Variants in ERC2 observed in about 807,000 individuals in gnomAD.
ERC2 encodes the protein ERC protein 2.
ERC2 carries 42 observed loss-of-function variants against 114.8 expected under a neutral mutation model. That is an observed-to-expected ratio of 0.37 (90% CI 0.29 to 0.47). The LOEUF (loss-of-function observed/expected upper bound fraction) is 0.47, where lower values mean the gene tolerates loss of function less well. Among genes scored for constraint, ERC2 ranks in the 20% least tolerant of loss-of-function variants. The pLI is 0.99. For missense variants in ERC2, 939 were observed against 1,150.7 expected, an observed-to-expected ratio of 0.82 and a Z score of 2.66; for synonymous variants, 454 against 425.5, an observed-to-expected ratio of 1.07 and a Z score of -0.82.
chr3:55,656,145 G>T (rs1219394905), intron 17 of ERC2, among the ~76,000 whole-genome samples: 6 of 145,922 alleles, frequency 4.1e-5, no homozygotes, highest in African/African-American at 1.0e-4. Context: ...TTGATTTAAA[G>T]AATTTTTTTT....
intron 13 of ERC2, among the ~76,000 whole-genome samples, chr3:55,905,838 G>A (rs1459280560): frequency 6.6e-6 from 1 of 152,022 alleles, no homozygotes; most frequent in African/African-American, 2.4e-5. Flanking sequence ...AAACTGTCAG[G>A]TCTTGGCATA....
chr3:55,991,258 T>C (rs891421791), intron 11 of ERC2, among the ~76,000 whole-genome samples: 1 of 152,194 alleles, frequency 6.6e-6, no homozygotes, highest in Admixed American at 6.5e-5. Context: ...ATCTCTTCCA[T>C]ATGGATTGAA....
At chr3:55,931,716 T>G (rs898906395) in intron 13 of ERC2, among the ~76,000 whole-genome samples, 9 of 151,796 alleles carry the variant, frequency 5.9e-5, no homozygotes, top group African/African-American at 2.2e-4. Context: ...TAAACCTGCA[T>G]GTTCTGCACA....
chr3:55,836,725 A>C (rs2060904188), intron 14 of ERC2, among the ~76,000 whole-genome samples: 1 of 152,152 alleles, frequency 6.6e-6, no homozygotes, highest in Non-Finnish European at 1.5e-5. Context: ...CACCAAAAGC[A>C]ATGGCAACAA....
chr3:56,212,794 TACAC>T (rs148746898), intron 3 of ERC2, among the ~76,000 whole-genome samples: 5 of 143,424 alleles, frequency 3.5e-5, no homozygotes, highest in Non-Finnish European at 6.1e-5. Context: ...CATATACATA[TACAC>T]ACACACACAC....
chr3:56,330,753 A>T (rs1220899858), intron 2 of ERC2, among the ~76,000 whole-genome samples: 2 of 152,236 alleles, frequency 1.3e-5, no homozygotes, highest in African/African-American at 2.4e-5. Flanking sequence ...TCCAAAAAAA[A>T]TTAAAATCTG....
intron 16 of ERC2, among the ~76,000 whole-genome samples, chr3:55,688,664 T>G (rs1406406970): frequency 2.0e-5 from 3 of 152,176 alleles, no homozygotes; most frequent in African/African-American, 7.2e-5. Flanking sequence ...GGTCTTCATA[T>G]GCAAGTGGAA....
intron 17 of ERC2, among the ~76,000 whole-genome samples, chr3:55,671,294 T>C (rs1576048870): frequency 6.6e-6 from 1 of 152,248 alleles, no homozygotes; most frequent in African/African-American, 2.4e-5. Context: ...AAAATTATAC[T>C]CATTATATTT....
chr3:55,519,469 T>C (rs1311653596), intron 17 of ERC2, among the ~76,000 whole-genome samples: 1 of 152,208 alleles, frequency 6.6e-6, no homozygotes, highest in Non-Finnish European at 1.5e-5. Context: ...AACTCACCAT[T>C]TCCAAGAAGT....
chr3:56,087,274 A>C (rs2077554111), intron 6 of ERC2, among the ~76,000 whole-genome samples: 1 of 151,944 alleles, frequency 6.6e-6, no homozygotes, highest in Admixed American at 6.6e-5. Flanking sequence ...AAAACATAAA[A>C]CATTTGTTTT....
intron 3 of ERC2, among the ~76,000 whole-genome samples, chr3:56,174,685 AGATAG>A (rs2082871346): frequency 6.6e-6 from 1 of 152,228 alleles, no homozygotes; most frequent in Admixed American, 6.5e-5. Flanking sequence ...CACTTCAAAA[AGATAG>A]GACATGGGAT....
chr3:55,818,507 C>T (rs2059989104), intron 14 of ERC2, among the ~76,000 whole-genome samples: 1 of 152,208 alleles, frequency 6.6e-6, no homozygotes, highest in Admixed American at 6.5e-5. Context: ...AAGAATGTTT[C>T]TTCTTTCAAA....
intron 4 of ERC2, among the ~76,000 whole-genome samples, chr3:56,156,959 A>AGCT (rs141132888): frequency 6.6e-6 from 1 of 152,156 alleles, no homozygotes. Context: ...AAAAAACAAT[A>AGCT]GCTGCTATGT....
At chr3:56,438,605 G>C (rs767698211) in intron 1 of ERC2, among the ~76,000 whole-genome samples, 5 of 152,166 alleles carry the variant, frequency 3.3e-5, no homozygotes, top group Non-Finnish European at 7.3e-5. Context: ...ACAGTTAAAT[G>C]AATGTATCTT....
At chr3:56,150,003 G>A (rs2081336527) in intron 4 of ERC2, among the ~76,000 whole-genome samples, 1 of 152,130 alleles carries the variant, frequency 6.6e-6, no homozygotes, top group South Asian at 2.1e-4. Context: ...TTCCACAACA[G>A]TAAGTATTAG....
chr3:56,258,003 A>AT (rs1312704566), intron 3 of ERC2, among the ~76,000 whole-genome samples: 1 of 152,118 alleles, frequency 6.6e-6, no homozygotes, highest in Non-Finnish European at 1.5e-5. Context: ...CTTATACACA[A>AT]TTTTTTAAGT....
At chr3:56,277,373 T>C (rs1044572216) in intron 3 of ERC2, among the ~76,000 whole-genome samples, 2 of 152,120 alleles carry the variant, frequency 1.3e-5, no homozygotes, top group South Asian at 2.1e-4. Flanking sequence ...CCCACATCTC[T>C]AGCCTAGTCT....
chr3:55,992,687 A>G (rs1189192953), intron 10 of ERC2, among the ~76,000 whole-genome samples: 1 of 152,234 alleles, frequency 6.6e-6, no homozygotes, highest in African/African-American at 2.4e-5. Context: ...ATTATTTTCC[A>G]AGAACTATCA....
intron 2 of ERC2, among the ~76,000 whole-genome samples, chr3:56,311,500 C>T (rs1560572016): frequency 6.6e-6 from 1 of 151,314 alleles, no homozygotes; most frequent in East Asian, 1.9e-4. Flanking sequence ...GGGGTTTCAC[C>T]GTGTTAGCCA....
Sources: gnomAD v4.1 joint callset for allele counts (sites outside exome capture counted in the v4.1 genomes callset) on GRCh38, gnomAD v4.1.1 for gene constraint, MANE v1.5 for transcripts, NCBI Gene and HGNC (gene_info 2026-07-23, HGNC 2026-07-21) for gene names.